PRCD: variants seen among roughly 807,000 people sequenced by gnomAD.
The protein encoded by PRCD is photoreceptor disc component.
Under a neutral mutation model 10.1 loss-of-function variants are expected in PRCD, and 12 were observed. That is an observed-to-expected ratio of 1.18 (90% CI 0.76 to 1.92). The LOEUF (loss-of-function observed/expected upper bound fraction) is 1.92, where lower values mean the gene tolerates loss of function less well. Among genes scored for constraint, PRCD ranks in the 40% most tolerant of loss-of-function variants. The pLI is 0.00. For missense variants in PRCD, 61 were observed against 72.2 expected, an observed-to-expected ratio of 0.84 and a Z score of 0.56; for synonymous variants, 31 against 26.2, an observed-to-expected ratio of 1.18 and a Z score of -0.56.
At chr17:76,529,443 G>A (rs2074807618) in intron 1 of PRCD, 3 of 985,468 alleles carry the variant, frequency 3.0e-6, no homozygotes, top group African/African-American at 1.7e-5. Flanking sequence ...TAGTCCCTAG[G>A]GCAGGGTGGG....
At chr17:76,534,607 A>T (rs1167584451) in intron 1 of PRCD, among the ~76,000 whole-genome samples, 1 of 152,250 alleles carries the variant, frequency 6.6e-6, no homozygotes, top group East Asian at 1.9e-4. Context: ...CTCCTGAGGT[A>T]GGCACTGTTT....
At chr17:76,537,108 G>A (rs1206920298), upstream of PRCD, among the ~76,000 whole-genome samples, 2 of 152,212 alleles carry the variant, frequency 1.3e-5, no homozygotes, top group East Asian at 3.8e-4. Context: ...TGGGTGTCTG[G>A]GGTGGCTGGC....
intron 2 of PRCD, 134 bp from the exon 3 acceptor site, chr17:76,542,419 A>T: frequency 5.8e-6 from 6 of 1,026,506 alleles, no homozygotes; most frequent in Non-Finnish European, 9.3e-6. Context: ...CTAAATGCCA[A>T]CTGATTCCTT....
rs1598211569 is a variant in PRCD, at chr17:76,540,452, G to A, written c.75-53G>A. ...TGCGGCCTGGACCTGTGGAGGGACA[G>A]TGAGGGGCTGGGCACAGCCATAGCT... On this transcript the variant is annotated intron_variant, in intron 1 of 4. Transcript: ENST00000592014. This position sits in a 1 kb window ranked among gnomAD's most constrained non-coding sequence, Gnocchi z 5.0. The A allele has an allele frequency of 9.4e-6, 15 of 1,593,570 alleles. 1 individual carries two copies. In the East Asian group the frequency reaches 3.3e-4, roughly 36 times the overall value.
At chr17:76,529,799 T>C (rs1179694608) in intron 1 of PRCD, 1 of 985,158 alleles carries the variant, frequency 1.0e-6, no homozygotes, top group African/African-American at 1.7e-5. Context: ...TTGTTTCCCA[T>C]TGACTCCCAG....
In PRCD at chr17:76,530,133, C is replaced by T. The variant is rs1015703306; in HGVS notation, n.45+2300C>T. ...GTTTCTCTACCACGGGAATGTTTCT[C>T]TACCACGCGTGTCCCGGGCTGCTGG... is the stretch of plus-strand genomic sequence containing the variant. On this transcript the variant is annotated intron_variant and non_coding_transcript_variant, in intron 1 of 4. Transcript: ENST00000397633. The surrounding 1 kb of genome is among the most constrained non-coding windows in gnomAD (Gnocchi z 6.1). The T allele has an allele frequency of 5.5e-5, 54 of 976,784 alleles. No individual in the cohort carries two copies. The highest frequency in any genetic ancestry group is 3.4e-4 in the East Asian group (3 of 8,772). The allele number at this position is 976,784 out of a possible 1,614,324, so 60.5% of individuals were successfully genotyped here.
chr17:76,551,060 C>T (rs1014158754), intron 1 of PRCD: 2 of 152,246 alleles, frequency 1.3e-5, no homozygotes, highest in African/African-American at 4.8e-5. Context: ...GGGTTGCAGA[C>T]AATGTGCTAA....
At chr17:76,551,690 C>CT (rs2143225004) in intron 1 of PRCD, 1 of 152,222 alleles carries the variant, frequency 6.6e-6, no homozygotes, top group South Asian at 2.1e-4. Flanking sequence ...AAAAAATCCT[C>CT]TATATTTTCA....
chr17:76,544,440 C>T lies in PRCD; in HGVS notation c.*790C>T, dbSNP rs1282464587. On this transcript the variant is annotated 3_prime_UTR_variant, in exon 5 of 5. Transcript: ENST00000592014. ...AGGGTGGGGGAGGAGGTGCACCCCG[C>T]TGGGGAGGGCCTGCTGGTACCTCGG... is the stretch of plus-strand genomic sequence containing the variant. The T allele has an allele frequency of 2.2e-6, 1 of 455,012 alleles. No individual in the cohort carries two copies. 28.2% of individuals were successfully genotyped at this position (455,012 alleles called of 1,614,324 possible). A position where few individuals can be genotyped will look rare whatever the true frequency, so the allele number is the denominator to read the frequency against.
upstream of PRCD, among the ~76,000 whole-genome samples, chr17:76,538,796 C>T (rs949968112): frequency 6.6e-6 from 1 of 152,234 alleles, no homozygotes; most frequent in Admixed American, 6.5e-5. Flanking sequence ...CAGCCTGAGG[C>T]CAGACAGGGC....
rs1477795765 is a variant in PRCD at position 76,544,906 on chromosome 17, TC to T, written c.*1258del. 4.4e-6 allele frequency: 2 copies of T among 456,640 alleles called. No individual in the cohort carries two copies. The highest frequency in any genetic ancestry group is 8.8e-6 in the Non-Finnish European group (2 of 226,982). 28.3% of individuals were successfully genotyped at this position (456,640 alleles called of 1,614,324 possible). On this transcript the variant is annotated 3_prime_UTR_variant, in exon 5 of 5. Coordinates refer to ENST00000592014, the MANE Select transcript of PRCD (RefSeq NM_001077620.3). The stretch of plus-strand genomic sequence containing the variant: ...GGGCAGCGCCCCTCCACGCCACTGT[TC>T]CGAGAACCTGCGCAGGAGGTGGTGG...
chr17:76,544,276 C>T lies in PRCD; in HGVS notation c.*626C>T, dbSNP rs1444222096. The T allele has an allele frequency of 2.2e-6, 1 of 454,542 alleles. No individual in the cohort carries two copies. The highest frequency in any genetic ancestry group is 4.4e-6 in the Non-Finnish European group (1 of 226,806). 28.2% of individuals were successfully genotyped at this position (454,542 alleles called of 1,614,324 possible). ...AGCGGCGATGTCTCTGCCTGGCTGG[C>T]CCGTGCCCTTGACTTCCAGGCAGTA... On this transcript the variant is annotated 3_prime_UTR_variant, in exon 5 of 5. Transcript: ENST00000592014.
chr17:76,547,196 A>C (rs1041121080), downstream of PRCD: 2 of 152,296 alleles, frequency 1.3e-5, no homozygotes, highest in Non-Finnish European at 2.9e-5. Context: ...CTGCCCCTTT[A>C]GGACCCCTCA....
chr17:76,529,658 G>T (rs867157628), intron 1 of PRCD: 1 of 985,410 alleles, frequency 1.0e-6, no homozygotes, highest in African/African-American at 1.7e-5. Flanking sequence ...TGGGAGGGCA[G>T]GCAAGCCCCC....
At position 76,544,760 on chromosome 17, in the gene PRCD, G is replaced by A. The variant is rs1359667026; in HGVS notation, c.*1110G>A. The A allele has an allele frequency of 2.2e-6, 1 of 456,676 alleles. No individual in the cohort carries two copies. The highest frequency in any genetic ancestry group is 4.4e-6 in the Non-Finnish European group (1 of 226,990). 28.3% of individuals were successfully genotyped at this position (456,676 alleles called of 1,614,324 possible). On this transcript the variant is annotated 3_prime_UTR_variant, in exon 5 of 5. Coordinates refer to ENST00000592014, the MANE Select transcript of PRCD (RefSeq NM_001077620.3). ...TCCTATCTGCATTTATTCTCTATTTGCCATGTTCCTGTCACCTCATCCTTG... is the reference window on the plus strand; with the variant it reads ...TCCTATCTGCATTTATTCTCTATTTACCATGTTCCTGTCACCTCATCCTTG...
At position 76,531,454 on chromosome 17, in the gene PRCD, G is replaced by GC. The variant is rs757741536; in HGVS notation, n.45+3622dup. The GC allele has an allele frequency of 1.2e-6, 2 of 1,600,658 alleles. No homozygotes were observed. Among genetic ancestry groups the GC allele is most frequent in the East Asian group, 4.5e-5 (2 of 44,434 alleles). ...TGGGGGCTCTGCAGCAGATGGGGGC[G>GC]CATACCTTGAAGTACACCGGTTCCA... On this transcript the variant is annotated intron_variant and non_coding_transcript_variant, in intron 1 of 4. Coordinates refer to the PRCD transcript ENST00000397633. This position sits in a 1 kb window ranked among gnomAD's most constrained non-coding sequence, Gnocchi z 7.4.
upstream of PRCD, chr17:76,527,687 C>G (rs779267927): frequency 2.2e-6 from 1 of 454,028 alleles, no homozygotes. Flanking sequence ...CGCCGACCTG[C>G]TGCCCAGCAG....
At chr17:76,539,941 G>A, upstream of PRCD, 1 of 611,726 alleles carries the variant, frequency 1.6e-6, no homozygotes. Context: ...CTGGAGGGGA[G>A]AACCTGGGCC....
downstream of PRCD, among the ~76,000 whole-genome samples, chr17:76,548,847 A>C (rs1458863534): frequency 6.6e-6 from 1 of 152,228 alleles, no homozygotes; most frequent in Non-Finnish European, 1.5e-5. Flanking sequence ...GACACTTGAC[A>C]ACAGGCAGCA....
Sources: gnomAD v4.1 joint callset for allele counts (sites outside exome capture counted in the v4.1 genomes callset) on GRCh38, gnomAD v4.1.1 for gene constraint, Gnocchi (gnomAD v3.1) non-coding constraint, MANE v1.5 for transcripts, NCBI Gene and HGNC (gene_info 2026-07-23, HGNC 2026-07-21) for gene names.